Variants in HDAC4 observed in about 807,000 individuals in gnomAD.
HDAC4 encodes histone deacetylase A.
In HDAC4, 16 loss-of-function variants were observed where a neutral mutation model predicts 135.1. The observed-to-expected ratio is 0.12, with a 90% CI of 0.08 to 0.18. The LOEUF is 0.18. Ranked by LOEUF, HDAC4 falls within the 10% of genes least tolerant of loss-of-function variation. The pLI is 1.00. For synonymous variants in HDAC4, 685 were observed against 653.4 expected (o/e 1.05, Z -0.74); for missense variants, 1,143 against 1,511.8 (o/e 0.76, Z 4.05).
rs933125184 is a variant in HDAC4 at position 239,051,913 on chromosome 2, C to G, written c.*1184G>C. 1 of 151,184 alleles carries G rather than the reference C, an allele frequency of 6.6e-6. No homozygotes were observed. The highest frequency in any genetic ancestry group is 1.5e-5 in the Non-Finnish European group (1 of 67,870). The allele number at this position is 151,184 out of a possible 1,614,324, so 9.4% of individuals were successfully genotyped here. ...TATTTTATCAAGATTTCATAAGAAT[C>G]AAGTAAGTTTCTTAGCTTGGAATAC... On this transcript the variant is annotated 3_prime_UTR_variant, in exon 27 of 27. Coordinates refer to ENST00000543185, the MANE Select transcript of HDAC4 (RefSeq NM_001378414.1).
intron 3 of HDAC4, among the ~76,000 whole-genome samples, chr2:239,209,989 C>T (rs939560950): frequency 3.3e-5 from 5 of 152,204 alleles, no homozygotes; most frequent in East Asian, 3.9e-4. Context: ...GGAGCGGGGG[C>T]GTGGGAGCAG....
intron 2 of HDAC4, among the ~76,000 whole-genome samples, chr2:239,325,521 AC>A (rs1277013303): frequency 6.6e-6 from 1 of 152,246 alleles, no homozygotes; most frequent in East Asian, 1.9e-4. Flanking sequence ...ACAATAAGAT[AC>A]CATTCACACT....
chr2:239,315,142 T>G (rs1305880804), intron 2 of HDAC4, among the ~76,000 whole-genome samples: 1 of 152,214 alleles, frequency 6.6e-6, no homozygotes, highest in Non-Finnish European at 1.5e-5. Flanking sequence ...TTTTAAAATC[T>G]ACCTATAATC....
chr2:239,158,678 C>A (rs528254028), intron 6 of HDAC4, among the ~76,000 whole-genome samples: 19 of 152,152 alleles, frequency 1.2e-4, no homozygotes, highest in African/African-American at 4.3e-4. Context: ...TCCTGCATAG[C>A]CCAGCTCACC....
At chr2:239,293,756 A>G (rs1477532720) in intron 2 of HDAC4, among the ~76,000 whole-genome samples, 2 of 152,198 alleles carry the variant, frequency 1.3e-5, no homozygotes, top group African/African-American at 4.8e-5. Context: ...ACTGCACCCT[A>G]TACTGGGAGG....
At chr2:239,370,084 G>A (rs1559389569) in intron 1 of HDAC4, among the ~76,000 whole-genome samples, 1 of 152,236 alleles carries the variant, frequency 6.6e-6, no homozygotes, top group African/African-American at 2.4e-5. Context: ...TGTACAGGAC[G>A]GCAGGCCGTC....
chr2:239,268,525 C>T (rs1403951652), intron 2 of HDAC4, among the ~76,000 whole-genome samples: 1 of 152,260 alleles, frequency 6.6e-6, no homozygotes, highest in African/African-American at 2.4e-5. Flanking sequence ...CATACTTCTT[C>T]CCTGCTGGCT....
chr2:239,397,224 C>G (rs768563051), intron 1 of HDAC4, among the ~76,000 whole-genome samples: 1 of 152,350 alleles, frequency 6.6e-6, no homozygotes, highest in Admixed American at 6.5e-5. Flanking sequence ...CGGAGAGGAA[C>G]TGGCCTTTGG....
chr2:239,192,232 AC>A (rs1469828321), intron 3 of HDAC4, among the ~76,000 whole-genome samples: 2 of 109,822 alleles, frequency 1.8e-5, no homozygotes, highest in Non-Finnish European at 3.6e-5. Flanking sequence ...GGGTCCACCC[AC>A]CCCCCACCCC....
chr2:239,292,725 GTTTC>G (rs1238588094), intron 2 of HDAC4, among the ~76,000 whole-genome samples: 2 of 151,966 alleles, frequency 1.3e-5, no homozygotes, highest in Non-Finnish European at 2.9e-5. Flanking sequence ...TTTCTTTTTT[GTTTC>G]TTTGTTTGGA....
chr2:239,229,928 A>G (rs1015150106), intron 3 of HDAC4, among the ~76,000 whole-genome samples: 1 of 152,162 alleles, frequency 6.6e-6, no homozygotes, highest in Non-Finnish European at 1.5e-5. Context: ...CCAGAATGCA[A>G]ATTTCCCCCC....
At chr2:239,267,666 C>G (rs551579625) in intron 2 of HDAC4, among the ~76,000 whole-genome samples, 117 of 152,370 alleles carry the variant, frequency 7.7e-4, no homozygotes, top group Non-Finnish European at 1.5e-3. Context: ...ACAGAAGAGG[C>G]CTGTGCCAGG....
intron 1 of HDAC4, among the ~76,000 whole-genome samples, chr2:239,393,562 G>A (rs189435641): frequency 1.6e-3 from 237 of 152,132 alleles, no homozygotes; most frequent in Non-Finnish European, 2.5e-3. Context: ...ATGCAGCCCC[G>A]AAACTCTGGC....
At chr2:239,152,781 G>A (rs1417996236) in intron 7 of HDAC4, among the ~76,000 whole-genome samples, 1 of 152,184 alleles carries the variant, frequency 6.6e-6, no homozygotes, top group African/African-American at 2.4e-5. Context: ...GCAAGGAGGT[G>A]GGGGGATGCT....
rs2036609504 is a variant in HDAC4, at chr2:239,092,473, C to A, written c.2281-2357G>T. ...TGCAGGGAGCGGAGGGTGTACTACA[C>A]CCGTGTTCTGAAGGGTCTTCTGGGG... On this transcript the variant is annotated intron_variant, in intron 17 of 26. Transcript: ENST00000543185. Among the ~76,000 whole-genome samples the A allele has an allele frequency of 2.0e-5, 3 of 152,270 alleles. No individual in the cohort carries two copies. In the South Asian group the frequency reaches 6.2e-4, roughly 32 times the overall value.
intron 1 of HDAC4, among the ~76,000 whole-genome samples, chr2:239,399,024 G>A (rs1171454153): frequency 6.6e-6 from 1 of 152,250 alleles, no homozygotes; most frequent in Non-Finnish European, 1.5e-5. Context: ...ACAATGTGTT[G>A]GGGTGTGTGT....
At chr2:239,094,282 G>A (rs1197508256) in intron 17 of HDAC4, 50 of 985,342 alleles carry the variant, frequency 5.1e-5, no homozygotes, top group Middle Eastern at 5.2e-4. Flanking sequence ...CAGGGGCCAG[G>A]GGAGAACTCT....
chr2:239,398,604 G>A (rs1195939938), intron 1 of HDAC4, among the ~76,000 whole-genome samples: 1 of 152,242 alleles, frequency 6.6e-6, no homozygotes, highest in Non-Finnish European at 1.5e-5. Flanking sequence ...TGAGCCGCAC[G>A]TGGCCAGCGT....
chr2:239,224,055 T>A (rs2047112917), intron 3 of HDAC4, among the ~76,000 whole-genome samples: 1 of 152,010 alleles, frequency 6.6e-6, no homozygotes, highest in African/African-American at 2.4e-5. Flanking sequence ...ACTGCACAGA[T>A]CCATACTAAT....
Sources: gnomAD v4.1 joint callset for allele counts (sites outside exome capture counted in the v4.1 genomes callset) on GRCh38, gnomAD v4.1.1 for gene constraint, MANE v1.5 for transcripts, NCBI Gene and HGNC (gene_info 2026-07-23, HGNC 2026-07-21) for gene names.